The following CNTN4 variants were observed in gnomAD, a reference collection of about 807,000 sequenced individuals.
CNTN4 encodes contactin 4.
A neutral mutation model predicts 122.5 loss-of-function variants in CNTN4; 77 were observed. That is an observed-to-expected ratio of 0.63 (90% CI 0.52 to 0.76). CNTN4 has a LOEUF of 0.76. CNTN4 is among the 30% of genes least tolerant of loss of function. The pLI is 0.00. For missense variants in CNTN4, 1,256 were observed against 1,259.1 expected (o/e 1.00, Z 0.04); for synonymous variants, 512 against 447.0 (o/e 1.15, Z -1.83).
At chr3:2,138,993 T>C (rs1269634129) in intron 2 of CNTN4, among the ~76,000 whole-genome samples, 2 of 152,118 alleles carry the variant, frequency 1.3e-5, no homozygotes, top group Non-Finnish European at 2.9e-5. Flanking sequence ...GGGGAGTGGA[T>C]TTTCAGGAAA....
At chr3:2,900,881 T>C (rs1279797584) in intron 11 of CNTN4, 60 bp downstream of exon 11, 2 of 1,590,246 alleles carry the variant, frequency 1.3e-6, no homozygotes, top group Admixed American at 1.7e-5. Flanking sequence ...TATAGCCTCA[T>C]TGCCGTGGAA....
chr3:3,016,069 T>C (rs1697728589), intron 14 of CNTN4, among the ~76,000 whole-genome samples: 1 of 152,208 alleles, frequency 6.6e-6, no homozygotes, highest in Non-Finnish European at 1.5e-5. Flanking sequence ...TAATTATTAT[T>C]TGATGAAAAT....
At position 2,709,647 on chromosome 3, in the gene CNTN4, C is replaced by T. The variant is rs1332201558; in HGVS notation, c.56-26568C>T. Among the ~76,000 whole-genome samples, 2 of 152,154 alleles carry T rather than the reference C, an allele frequency of 1.3e-5. No individual in the cohort carries two copies. The highest frequency in any genetic ancestry group is 2.4e-5 in the African/African-American group (1 of 41,416). On this transcript the variant is annotated intron_variant, in intron 4 of 24. Transcript: ENST00000418658. The surrounding 1 kb of genome is among the most constrained non-coding windows in gnomAD (Gnocchi z 5.0). The stretch of plus-strand genomic sequence containing the variant: ...TCCACAATGTGGCTGGGTGCGGTGG[C>T]TCTCACCTGTAACCGCAGCACTTTG...
chr3:2,192,527 A>G (rs2037626124), intron 2 of CNTN4, among the ~76,000 whole-genome samples: 1 of 152,184 alleles, frequency 6.6e-6, no homozygotes, highest in South Asian at 2.1e-4. Context: ...AAATTTTTGC[A>G]ATCTACTCAT....
At chr3:2,196,343 C>T (rs1333994241) in intron 2 of CNTN4, among the ~76,000 whole-genome samples, 1 of 152,162 alleles carries the variant, frequency 6.6e-6, no homozygotes, top group East Asian at 1.9e-4. Flanking sequence ...ACTGTGAATC[C>T]TGGCTTCTAT....
In CNTN4 at chr3:2,481,248, T is replaced by C. The variant is rs566091319; in HGVS notation, c.-88-90168T>C. On this transcript the variant is annotated intron_variant, in intron 3 of 24. Transcript: ENST00000418658. ...CTCCACCTCCCAGGTTCAAATGATTTTCCTACCTCAGCCTCCTGAGCAGCT... is the reference window on the plus strand; with the variant it reads ...CTCCACCTCCCAGGTTCAAATGATTCTCCTACCTCAGCCTCCTGAGCAGCT... Among the ~76,000 whole-genome samples, 11 of 151,806 alleles carry C rather than the reference T, an allele frequency of 7.2e-5. No homozygotes were observed. The South Asian group carries it at 2.3e-3, about 32-fold the overall frequency.
chr3:3,000,880 C>CT (rs59337830), intron 14 of CNTN4, among the ~76,000 whole-genome samples: 25,006 of 131,392 alleles, frequency 0.19, 2,082 homozygotes, highest in Middle Eastern at 0.28. Context: ...TTCTTTCTTT[C>CT]TTTTTTTTTT....
intron 2 of CNTN4, among the ~76,000 whole-genome samples, chr3:2,128,889 T>C (rs1255956876): frequency 6.6e-6 from 1 of 152,210 alleles, no homozygotes; most frequent in African/African-American, 2.4e-5. Context: ...ATGGAAACTT[T>C]AACAAAGGAG....
chr3:2,927,641 C>G (rs762679544), intron 13 of CNTN4: 1 of 162,554 alleles, frequency 6.2e-6, no homozygotes, highest in Non-Finnish European at 1.3e-5. Flanking sequence ...ATGCCAGTAT[C>G]AAGAATTCTA....
At chr3:2,149,304 A>G (rs920257255) in intron 2 of CNTN4, among the ~76,000 whole-genome samples, 1 of 152,184 alleles carries the variant, frequency 6.6e-6, no homozygotes. Context: ...TAAGGGGTAC[A>G]CACTTCCATT....
chr3:2,840,565 GAT>G (rs10543665), intron 7 of CNTN4, among the ~76,000 whole-genome samples: 2,567 of 23,758 alleles, frequency 0.11, 917 homozygotes, highest in Middle Eastern at 0.18. Flanking sequence ...CGGGCGCGGT[GAT>G]GGGCGCCTGT....
chr3:2,455,364 C>T (rs2048961587), intron 3 of CNTN4, among the ~76,000 whole-genome samples: 1 of 152,046 alleles, frequency 6.6e-6, no homozygotes, highest in Non-Finnish European at 1.5e-5. Context: ...AATGTTGGCC[C>T]TCAAATGATC....
intron 2 of CNTN4, among the ~76,000 whole-genome samples, chr3:2,271,903 A>G (rs778843719): frequency 6.6e-6 from 1 of 152,216 alleles, no homozygotes; most frequent in Non-Finnish European, 1.5e-5. Context: ...TAAGGGACCA[A>G]GACATTATGC....
intron 8 of CNTN4, among the ~76,000 whole-genome samples, chr3:2,876,158 C>T (rs1457119677): frequency 6.6e-6 from 1 of 152,160 alleles, no homozygotes; most frequent in Admixed American, 6.5e-5. Context: ...CTTGAGATAC[C>T]TTGCCTCTCC....
Position 2,286,003 on chromosome 3 carries a change from C to T in CNTN4, c.-144-53175C>T, listed in dbSNP as rs116758268. On this transcript the variant is annotated intron_variant, in intron 2 of 24. Coordinates refer to ENST00000418658, the MANE Select transcript of CNTN4 (RefSeq NM_175607.3). ...AATATGTATATATTTTGATGCTTTA[C>T]GGCATTAATACATTTTCCCTTAAGA... Among the ~76,000 whole-genome samples, 1,275 of 152,194 alleles carry T rather than the reference C, an allele frequency of 8.4e-3. 18 individuals carry two copies. Among genetic ancestry groups the T allele is most frequent in the African/African-American group, 0.029 (1,197 of 41,538 alleles).
chr3:2,122,158 A>C (rs2033842815), intron 2 of CNTN4, among the ~76,000 whole-genome samples: 1 of 151,882 alleles, frequency 6.6e-6, no homozygotes, highest in Non-Finnish European at 1.5e-5. Context: ...CCATCTCAAA[A>C]AAAAAAAAAA....
chr3:3,007,670 AGT>A (rs1275045860), intron 14 of CNTN4, among the ~76,000 whole-genome samples: 1 of 152,216 alleles, frequency 6.6e-6, no homozygotes. Context: ...AGAGAATACC[AGT>A]GTGGTAAAAT....
intron 4 of CNTN4, among the ~76,000 whole-genome samples, chr3:2,618,275 T>C (rs938979260): frequency 1.3e-5 from 2 of 152,184 alleles, no homozygotes; most frequent in Non-Finnish European, 2.9e-5. Context: ...CATGTATATG[T>C]GTATAAATAA....
At chr3:2,203,806 G>T (rs1454916512) in intron 2 of CNTN4, among the ~76,000 whole-genome samples, 1 of 152,222 alleles carries the variant, frequency 6.6e-6, no homozygotes, top group African/African-American at 2.4e-5. Context: ...CTGTATGATT[G>T]TCCAAACCAG....
Sources: allele counts gnomAD v4.1 joint callset (sites outside exome capture counted in the v4.1 genomes callset), GRCh38; gene constraint gnomAD v4.1.1; non-coding constraint Gnocchi (gnomAD v3.1); transcripts MANE v1.5; gene names NCBI Gene and HGNC (gene_info 2026-07-23, HGNC 2026-07-21).